The following CHRNG variants were observed in gnomAD, a reference collection of about 807,000 sequenced individuals.
CHRNG encodes cholinergic receptor nicotinic gamma subunit, also known as acetylcholine receptor subunit gamma.
A neutral mutation model predicts 65.2 loss-of-function variants in CHRNG; 72 were observed. The observed-to-expected ratio is 1.10, with a 90% CI of 0.91 to 1.34. CHRNG has a LOEUF of 1.34. Among genes scored for constraint, CHRNG ranks in the 40% most tolerant of loss-of-function variants. The pLI is 0.00. For missense variants in CHRNG, 637 were observed against 680.1 expected, an observed-to-expected ratio of 0.94 and a Z score of 0.70; for synonymous variants, 284 against 290.2, an observed-to-expected ratio of 0.98 and a Z score of 0.22.
intron 6 of CHRNG, 59 bp from the exon 7 acceptor site, chr2:232,542,823 C>G: frequency 6.7e-7 from 1 of 1,483,620 alleles, no homozygotes; most frequent in Non-Finnish European, 9.3e-7. Context: ...CACTCGGCTG[C>G]AGGGATCTGC....
At chr2:232,539,957 C>T (rs1169630471) in intron 1 of CHRNG, 35 bp from the exon 2 acceptor site, 3 of 1,613,964 alleles carry the variant, frequency 1.9e-6, no homozygotes, top group South Asian at 1.1e-5. Context: ...TTTCCACCTC[C>T]AAGCTCCTGC....
In CHRNG at chr2:232,539,758, G is replaced by A; in HGVS notation, c.11G>A (p.Gly4Asp). 2 of 1,613,896 alleles carry A rather than the reference G, an allele frequency of 1.2e-6. No homozygotes were observed. The highest frequency in any genetic ancestry group is 1.7e-6 in the Non-Finnish European group (2 of 1,179,988). MHGGQGPLLLLLLL... is the reference protein window; with the variant it reads MHGDQGPLLLLLLL... ...GAGAGCTGAGGCACCATGCATGGGG[G>A]CCAGGGGCCGCTGCTCCTCCTGCTG... The change falls in exon 1 of 12, where the codon GGC (glycine) becomes GAC (aspartate). Residue 4 changes from glycine (G) to aspartate (D), a missense_variant. By Grantham distance (94) the Gly-to-Asp change is moderately conservative. Coordinates refer to ENST00000651502, the MANE Select transcript of CHRNG (RefSeq NM_005199.5).
Position 232,540,108 on chromosome 2 carries a change from A to T in CHRNG, c.172A>T (p.Thr58Ser), listed in dbSNP as rs1289712468. ...SDVVNVSLKL[T>S]LTNLISLNER... ...TGTGGTCAATGTCAGCCTGAAGCTA[A>T]CCCTCACCAACCTCATCTCCCTGGT... The change falls in exon 2 of 12, where the codon ACC becomes TCC. Residue 58 changes from threonine (T) to serine (S), a missense_variant. Coordinates refer to ENST00000651502, the MANE Select transcript of CHRNG (RefSeq NM_005199.5). This position sits in a 1 kb window ranked among gnomAD's most constrained non-coding sequence, Gnocchi z 4.2. 6.2e-7 allele frequency: 1 copy of T among 1,614,162 alleles called. No individual in the cohort carries two copies. Among genetic ancestry groups the T allele is most frequent in the Non-Finnish European group, 8.5e-7 (1 of 1,180,004 alleles).
In CHRNG at chr2:232,543,634, G is replaced by GAA; in HGVS notation, c.970_971insAA (p.Val324GlufsTer26). ...GACCATCCTCATTGTCGTGAATGCT[G>GAA]TGGTTGTGCTCAATGTCTCCTTGCG... On this transcript the variant is annotated frameshift_variant, in exon 9 of 12. Transcript: ENST00000651502. LOFTEE classifies it high-confidence loss of function. The GAA allele has an allele frequency of 6.2e-7, 1 of 1,614,008 alleles. No individual in the cohort carries two copies. The highest frequency in any genetic ancestry group is 1.1e-5 in the South Asian group (1 of 91,072).
At chr2:232,544,295 C>A (rs1395469371) in intron 9 of CHRNG, 72 bp from the exon 10 acceptor site, 3 of 1,149,722 alleles carry the variant, frequency 2.6e-6, no homozygotes, top group Non-Finnish European at 3.9e-6. Context: ...GCAGCACAAG[C>A]CCTTCACGCC....
chr2:232,543,104 G>C (rs1181742328), intron 7 of CHRNG, 22 bp downstream of exon 7: 2 of 1,611,026 alleles, frequency 1.2e-6, no homozygotes, highest in East Asian at 4.5e-5. Flanking sequence ...CTATGGGAAG[G>C]AGCCATCCAG....
In CHRNG at chr2:232,540,076, A is replaced by C; in HGVS notation, c.140A>C (p.Asp47Ala). 1 of 1,614,102 alleles carries C rather than the reference A, an allele frequency of 6.2e-7. No individual in the cohort carries two copies. The highest frequency in any genetic ancestry group is 8.5e-7 in the Non-Finnish European group (1 of 1,179,994). Residue 47 changes from aspartate to alanine, a missense_variant, in exon 2 of 12, where the codon GAC becomes GCC. By Grantham distance (126) the Asp-to-Ala change is moderately radical. Coordinates refer to ENST00000651502, the MANE Select transcript of CHRNG (RefSeq NM_005199.5). The surrounding 1 kb of genome is among the most constrained non-coding windows in gnomAD (Gnocchi z 4.2). ...YDPNLRPAERDSDVVNVSLKL... is the reference protein window; with the variant it reads ...YDPNLRPAERASDVVNVSLKL... ...CCCAACCTGCGGCCCGCGGAACGAG[A>C]CTCGGATGTGGTCAATGTCAGCCTG...
intron 9 of CHRNG, 71 bp from the exon 10 acceptor site, chr2:232,544,296 C>T: frequency 8.6e-7 from 1 of 1,168,346 alleles, no homozygotes; most frequent in Non-Finnish European, 1.3e-6. Flanking sequence ...CAGCACAAGC[C>T]CTTCACGCCA....
chr2:232,540,171 C>G lies in CHRNG; in HGVS notation c.195+40C>G. ...GGAGGAGGGGTCAGCGCACCACGCC[C>G]TGGGACCTGCTGGGGATAGCATGGG... is the stretch of plus-strand genomic sequence containing the variant. On this transcript the variant is annotated intron_variant, in intron 2 of 11. Coordinates refer to ENST00000651502, the MANE Select transcript of CHRNG (RefSeq NM_005199.5). The surrounding 1 kb of genome is among the most constrained non-coding windows in gnomAD (Gnocchi z 4.2). 3 of 1,614,028 alleles carry G rather than the reference C, an allele frequency of 1.9e-6. No homozygotes were observed.
rs144251231 is a variant in CHRNG, at chr2:232,543,724, A to C, written c.1035+25A>C. ...GGCAAGGACCCTCCCTGCCCACTTC[A>C]ACATCCCGCTGCCCACTCCCCTACG... On this transcript the variant is annotated intron_variant, in intron 9 of 11. Coordinates refer to ENST00000651502, the MANE Select transcript of CHRNG (RefSeq NM_005199.5). 1.5e-3 allele frequency: 2,122 copies of C among 1,397,422 alleles called. 28 individuals carry two copies. The African/African-American group carries it at 0.027, about 18-fold the overall frequency. 86.6% of individuals were successfully genotyped at this position (1,397,422 alleles called of 1,614,324 possible). A position where few individuals can be genotyped will look rare whatever the true frequency, so the allele number is the denominator to read the frequency against.
intron 5 of CHRNG, 152 bp from the exon 6 acceptor site, chr2:232,542,271 T>C: frequency 4.5e-6 from 3 of 667,334 alleles, no homozygotes; most frequent in Admixed American, 2.1e-5. Flanking sequence ...GCTCTCCATA[T>C]CTCGCCAGTG....
Position 232,548,097 on chromosome 2 carries a change from A to G in CHRNG, c.*2381A>G. On this transcript the variant is annotated 3_prime_UTR_variant, in exon 12 of 12. Coordinates refer to ENST00000651502, the MANE Select transcript of CHRNG (RefSeq NM_005199.5). ...TTTAAAAATACTTTATTGCTAAAAA[A>G]TGCTGATTATCAATCTGAGCCTTCG... The G allele has an allele frequency of 3.1e-6, 2 of 649,014 alleles. No homozygotes were observed. The highest frequency in any genetic ancestry group is 5.1e-6 in the Non-Finnish European group (2 of 392,682). 40.2% of individuals were successfully genotyped at this position (649,014 alleles called of 1,614,324 possible). A position where few individuals can be genotyped will look rare whatever the true frequency, so the allele number is the denominator to read the frequency against.
Position 232,541,701 on chromosome 2 carries a change from C to A in CHRNG, c.506+172C>A. ...CTCAGGCTAAGACACCTGAAGGTGC[C>A]CAAGCTCTCCCTGCTAAGCCCGAGT... On this transcript the variant is annotated intron_variant, in intron 5 of 11. Transcript: ENST00000651502. This position sits in a 1 kb window ranked among gnomAD's most constrained non-coding sequence, Gnocchi z 4.0. The A allele has an allele frequency of 1.4e-6, 1 of 735,820 alleles. No individual in the cohort carries two copies. The highest frequency in any genetic ancestry group is 2.3e-6 in the Non-Finnish European group (1 of 434,852). The allele number at this position is 735,820 out of a possible 1,614,324, so 45.6% of individuals were successfully genotyped here. A position where few individuals can be genotyped will look rare whatever the true frequency, so the allele number is the denominator to read the frequency against.
In CHRNG at chr2:232,540,543, C is replaced by T; in HGVS notation, c.241-59C>T. ...TCTGTCCTCTTGGGCTGGATGCCCA[C>T]TCCTAGGGCTGTGGTGCAGCAGAGG... is the stretch of plus-strand genomic sequence containing the variant. On this transcript the variant is annotated intron_variant, in intron 3 of 11. Coordinates refer to ENST00000651502, the MANE Select transcript of CHRNG (RefSeq NM_005199.5). This position sits in a 1 kb window ranked among gnomAD's most constrained non-coding sequence, Gnocchi z 4.2. The T allele has an allele frequency of 1.9e-6, 3 of 1,597,702 alleles. No individual in the cohort carries two copies. The highest frequency in any genetic ancestry group is 2.6e-6 in the Non-Finnish European group (3 of 1,171,500).
chr2:232,540,985 C>T lies in CHRNG; in HGVS notation c.350+274C>T, dbSNP rs780701421. ...TGCTCCCTTCCCTGTAACATGGGGC[C>T]GCTGACGGGTCCTATAGAAGCTGGC... On this transcript the variant is annotated intron_variant, in intron 4 of 11. Coordinates refer to ENST00000651502, the MANE Select transcript of CHRNG (RefSeq NM_005199.5). This position sits in a 1 kb window ranked among gnomAD's most constrained non-coding sequence, Gnocchi z 4.2. Among the ~76,000 whole-genome samples the T allele has an allele frequency of 9.9e-5, 15 of 151,940 alleles. No homozygotes were observed. Among genetic ancestry groups the T allele is most frequent in the Non-Finnish European group, 2.1e-4 (14 of 67,988 alleles).
chr2:232,543,573 C>G lies in CHRNG; in HGVS notation c.921-12C>G, dbSNP rs13018423. ...TATGGGCTGCCAGCTCCTGCCCACC[C>G]CACCCTGACAGGTACCTGACCTTCC... On this transcript the variant is annotated splice_polypyrimidine_tract_variant and intron_variant, in intron 8 of 11. Coordinates refer to ENST00000651502, the MANE Select transcript of CHRNG (RefSeq NM_005199.5). 20 of 1,568,474 alleles carry G rather than the reference C, an allele frequency of 1.3e-5. No homozygotes were observed. The highest frequency in any genetic ancestry group is 1.7e-5 in the Non-Finnish European group (19 of 1,139,052).
At chr2:232,544,314 G>C in intron 9 of CHRNG, 53 bp from the exon 10 acceptor site, 1 of 1,392,564 alleles carries the variant, frequency 7.2e-7, no homozygotes, top group Non-Finnish European at 1.0e-6. Flanking sequence ...CCAACCTCTG[G>C]CTTCTGCTCT....
At position 232,546,922 on chromosome 2, in the gene CHRNG, G is replaced by T. The variant is rs1341402914; in HGVS notation, c.*1206G>T. 6.6e-6 allele frequency among the ~76,000 whole-genome samples: 1 copy of T among 151,886 alleles called. No individual in the cohort carries two copies. Among genetic ancestry groups the T allele is most frequent in the Non-Finnish European group, 1.5e-5 (1 of 67,994 alleles). On this transcript the variant is annotated 3_prime_UTR_variant, in exon 12 of 12. Transcript: ENST00000651502. ...GCCACTGAGCTCTTCATTCCAGGAG[G>T]AGACTTTGACTGGCCTCCCTTGACC...
rs552449997 is a variant in CHRNG at position 232,540,540 on chromosome 2, C to A, written c.241-62C>A. On this transcript the variant is annotated intron_variant, in intron 3 of 11. Coordinates refer to ENST00000651502, the MANE Select transcript of CHRNG (RefSeq NM_005199.5). This position sits in a 1 kb window ranked among gnomAD's most constrained non-coding sequence, Gnocchi z 4.2. The stretch of plus-strand genomic sequence containing the variant: ...TCTTCTGTCCTCTTGGGCTGGATGC[C>A]CACTCCTAGGGCTGTGGTGCAGCAG... 6.2e-7 allele frequency: 1 copy of A among 1,600,708 alleles called. No individual in the cohort carries two copies. Among genetic ancestry groups the A allele is most frequent in the East Asian group, 2.2e-5 (1 of 44,688 alleles).
Sources: allele counts gnomAD v4.1 joint callset (sites outside exome capture counted in the v4.1 genomes callset), GRCh38; gene constraint gnomAD v4.1.1; non-coding constraint Gnocchi (gnomAD v3.1); transcripts MANE v1.5; gene names NCBI Gene and HGNC (gene_info 2026-07-23, HGNC 2026-07-21).